The following ETV4 variants were observed in gnomAD, a reference collection of about 807,000 sequenced individuals.
ETV4 encodes the protein ETS translocation variant 4.
Under a neutral mutation model 65.9 loss-of-function variants are expected in ETV4, and 42 were observed. The observed-to-expected ratio is 0.64, with a 90% confidence interval of 0.50 to 0.82. ETV4 has a LOEUF of 0.82. ETV4 is among the 40% of genes least tolerant of loss of function. The pLI is 0.00. For missense variants in ETV4, 583 were observed against 630.3 expected (o/e 0.92, Z 0.80); for synonymous variants, 238 against 260.0 (o/e 0.92, Z 0.81).
rs73304601 is a variant in ETV4, at chr17:43,541,926, C to A, written c.202+3049G>T. 4.3e-4 allele frequency among the ~76,000 whole-genome samples: 66 copies of A among 152,302 alleles called. No homozygotes were observed. In the East Asian group the frequency reaches 0.012, roughly 28 times the overall value. ...AACCTCATCCCTCCCCACAGACATG[C>A]CGAGGCACCAGTGTACATGCACTCG... On this transcript the variant is annotated intron_variant, in intron 4 of 12. Coordinates refer to ENST00000319349, the MANE Select transcript of ETV4 (RefSeq NM_001079675.5).
At position 43,545,379 on chromosome 17, in the gene ETV4, G is replaced by A. The variant is rs758030472; in HGVS notation, c.61-12C>T. 2.5e-6 allele frequency: 4 copies of A among 1,570,722 alleles called. No individual in the cohort carries two copies. The highest frequency in any genetic ancestry group is 3.5e-6 in the Non-Finnish European group (4 of 1,156,094). On this transcript the variant is annotated splice_polypyrimidine_tract_variant and intron_variant, in intron 2 of 12. Transcript: ENST00000319349. ...TTTCCGGGCGATTTCTGCGAGAAGC[G>A]GGGAGAATGCCCGCGAGTCACCCTG...
chr17:43,534,057 T>C, intron 5 of ETV4, 72 bp from the exon 6 acceptor site: 1 of 1,402,470 alleles, frequency 7.1e-7, no homozygotes, highest in Non-Finnish European at 9.2e-7. Context: ...TCTGATACCT[T>C]CTGAGCTTTG....
Position 43,528,618 on chromosome 17 carries a change from GTCC to G in ETV4, c.1353_1355del (p.Glu451del), listed in dbSNP as rs748518022. 4.6e-5 allele frequency: 74 copies of G among 1,614,194 alleles called. No homozygotes were observed. The highest frequency in any genetic ancestry group is 1.5e-4 in the Admixed American group (9 of 60,024). ...CATCCAAGTGGGACAAAGGGACTGT[GTCC>G]TCCTCACTGACAGGCCGGTCAAACT... On this transcript the variant is annotated inframe_deletion, in exon 13 of 13. Transcript: ENST00000319349.
intron 8 of ETV4, among the ~76,000 whole-genome samples, chr17:43,531,838 A>G (rs1488099995): frequency 6.6e-6 from 1 of 152,198 alleles, no homozygotes; most frequent in African/African-American, 2.4e-5. Flanking sequence ...CTGTGGGGAT[A>G]GGGACCAGAC....
chr17:43,544,057 T>G (rs1971667390), intron 4 of ETV4: 1 of 152,182 alleles, frequency 6.6e-6, no homozygotes, highest in African/African-American at 2.4e-5. Flanking sequence ...TCCTAGTGTT[T>G]TGGCTTCTTC....
At chr17:43,539,175 CA>C (rs1400687645) in intron 4 of ETV4, among the ~76,000 whole-genome samples, 1 of 152,172 alleles carries the variant, frequency 6.6e-6, no homozygotes, top group East Asian at 1.9e-4. Flanking sequence ...CCTTGGCCTC[CA>C]AGGCTCTGCA....
At chr17:43,531,263 G>A (rs914265502) in intron 8 of ETV4, among the ~76,000 whole-genome samples, 12 of 152,210 alleles carry the variant, frequency 7.9e-5, no homozygotes, top group African/African-American at 2.9e-4. Flanking sequence ...TGTAACAAAA[G>A]CCAGGAGGAA....
At position 43,532,908 on chromosome 17, in the gene ETV4, G is replaced by C. The variant is rs1567709550; in HGVS notation, c.577C>G (p.His193Asp). The stretch of plus-strand genomic sequence containing the variant: ...CCCCCTCCCTGAGATGTGAAGGAGT[G>C]GCAAATGTCCAGGGGCTGCTGGAAG... ...SVFQQPLDIC[H>D]SFTSQGGGRE... Residue 193 changes from histidine to aspartate, a missense_variant, in exon 8 of 13, where the codon CAC becomes GAC. Physicochemically the swap from His to Asp is moderately conservative, Grantham distance 81. Transcript: ENST00000319349. 6.3e-7 allele frequency: 1 copy of C among 1,591,572 alleles called. No homozygotes were observed.
At chr17:43,540,041 G>A (rs1029854496) in intron 4 of ETV4, among the ~76,000 whole-genome samples, 1 of 152,142 alleles carries the variant, frequency 6.6e-6, no homozygotes, top group African/African-American at 2.4e-5. Context: ...CATGAAATCC[G>A]CTGGCAAGAA....
chr17:43,533,306 G>A lies in ETV4; in HGVS notation c.426C>T (p.Ala142=), dbSNP rs376164769. The stretch of plus-strand genomic sequence containing the variant: ...GGGGCGACTGTCCAAGGGCACCAGG[G>A]GCAGGGGACTTGATGGCGATTTGTC... ...PPRQIAIKSP[A]PGALGQSPLQ... Residue 142 remains alanine, a synonymous_variant, in exon 7 of 13, where the codon GCC becomes GCT. Transcript: ENST00000319349. 14 of 1,613,788 alleles carry A rather than the reference G, an allele frequency of 8.7e-6. No individual in the cohort carries two copies. In the African/African-American group the frequency reaches 1.7e-4, roughly 20 times the overall value.
intron 8 of ETV4, among the ~76,000 whole-genome samples, chr17:43,532,297 G>A (rs1970983060): frequency 6.6e-6 from 1 of 152,114 alleles, no homozygotes; most frequent in Non-Finnish European, 1.5e-5. Context: ...TCAGGAGTTC[G>A]AGACCATCCT....
intron 4 of ETV4, among the ~76,000 whole-genome samples, chr17:43,539,137 A>T (rs1451533363): frequency 6.6e-6 from 1 of 152,132 alleles, no homozygotes; most frequent in African/African-American, 2.4e-5. Context: ...TCTCTCTGTT[A>T]TTTAAAGCAT....
chr17:43,544,303 C>G (rs1971685537), intron 4 of ETV4: 1 of 153,270 alleles, frequency 6.5e-6, no homozygotes, highest in Non-Finnish European at 1.5e-5. Context: ...AGCTAACTCC[C>G]CAGCACACAG....
At chr17:43,532,164 C>A (rs1295525133) in intron 8 of ETV4, among the ~76,000 whole-genome samples, 1 of 152,110 alleles carries the variant, frequency 6.6e-6, no homozygotes, top group Non-Finnish European at 1.5e-5. Context: ...GCCCCGGGGG[C>A]CCCCCTTATC....
intron 6 of ETV4, 118 bp from the exon 7 acceptor site, chr17:43,533,466 G>A (rs941623677): frequency 1.0e-6 from 1 of 972,642 alleles, no homozygotes; most frequent in Admixed American, 2.7e-5. Context: ...GATAGAGGGG[G>A]CTGAGAAGGG....
At chr17:43,533,802 G>A in intron 6 of ETV4, 57 bp downstream of exon 6, 1 of 1,589,292 alleles carries the variant, frequency 6.3e-7, no homozygotes, top group Non-Finnish European at 8.5e-7. Context: ...GGTGCCCCCT[G>A]CCTCCCTCCT....
chr17:43,530,617 T>C (rs1020131144), intron 8 of ETV4, among the ~76,000 whole-genome samples: 171 of 95,252 alleles, frequency 1.8e-3, no homozygotes, highest in East Asian at 2.6e-3. Context: ...CGCGTGTGTG[T>C]GTGTGTGTGT....
chr17:43,541,478 C>A (rs373826936), intron 4 of ETV4, among the ~76,000 whole-genome samples: 41 of 151,842 alleles, frequency 2.7e-4, no homozygotes, highest in Middle Eastern at 3.4e-3. Flanking sequence ...AGTGCCAAGA[C>A]AGCATAATGC....
chr17:43,528,426 G>C lies in ETV4; in HGVS notation c.*93C>G. The C allele has an allele frequency of 1.2e-6, 1 of 853,538 alleles. No homozygotes were observed. Among genetic ancestry groups the C allele is most frequent in the South Asian group, 1.8e-5 (1 of 56,320 alleles). The allele number at this position is 853,538 out of a possible 1,614,324, so 52.9% of individuals were successfully genotyped here. On this transcript the variant is annotated 3_prime_UTR_variant, in exon 13 of 13. Transcript: ENST00000319349. The stretch of plus-strand genomic sequence containing the variant: ...GTGGGGATCTGCCCCAGAGACATCT[G>C]TGGGTTTCAGATGAAGGTTTCCCCA...
Sources: gnomAD v4.1 joint callset for allele counts (sites outside exome capture counted in the v4.1 genomes callset) on GRCh38, gnomAD v4.1.1 for gene constraint, MANE v1.5 for transcripts, NCBI Gene and HGNC (gene_info 2026-07-23, HGNC 2026-07-21) for gene names.